GPC5: variants seen among roughly 807,000 people sequenced by gnomAD.
GPC5 encodes glypican-5.
A neutral mutation model predicts 53.9 loss-of-function variants in GPC5; 47 were observed. That is an observed-to-expected ratio of 0.87 (90% CI 0.69 to 1.11). The LOEUF (loss-of-function observed/expected upper bound fraction) is 1.11, where lower values mean the gene tolerates loss of function less well. Among genes scored for constraint, GPC5 ranks in the 50% most tolerant of loss-of-function variants. The pLI is 0.00. For synonymous variants in GPC5, 286 were observed against 263.3 expected (o/e 1.09, Z -0.84); for missense variants, 748 against 713.1 (o/e 1.05, Z -0.56).
At chr13:92,500,171 T>C (rs1469927958) in intron 7 of GPC5, among the ~76,000 whole-genome samples, 1 of 151,988 alleles carries the variant, frequency 6.6e-6, no homozygotes, top group Non-Finnish European at 1.5e-5. Context: ...ACTGAGAAAA[T>C]GGTTTGTTGG....
At chr13:92,231,832 G>A (rs1006177440) in intron 7 of GPC5, among the ~76,000 whole-genome samples, 2 of 152,090 alleles carry the variant, frequency 1.3e-5, no homozygotes, top group South Asian at 2.1e-4. Context: ...TGGGCGTGGT[G>A]ATGGGCAGCT....
chr13:92,550,830 G>C (rs1477660856), intron 7 of GPC5, among the ~76,000 whole-genome samples: 2 of 151,846 alleles, frequency 1.3e-5, no homozygotes, highest in Non-Finnish European at 2.9e-5. Context: ...ATAATATTTG[G>C]ATCAGTGAGG....
rs150738943 is a variant in GPC5 at position 92,211,149 on chromosome 13, G to T, written c.1561+66160G>T. On this transcript the variant is annotated intron_variant, in intron 7 of 7. Transcript: ENST00000377067. ...TGATTTTATTTATTTATGAGGAAAA[G>T]CACTTGAAAATGGCTAATTCTTGGT... 6.6e-5 allele frequency among the ~76,000 whole-genome samples: 10 copies of T among 151,816 alleles called. No individual in the cohort carries two copies. In the East Asian group the frequency reaches 2.0e-3, roughly 30 times the overall value.
intron 6 of GPC5, among the ~76,000 whole-genome samples, chr13:91,957,921 A>G (rs2040089209): frequency 6.6e-6 from 1 of 152,130 alleles, no homozygotes; most frequent in Admixed American, 6.5e-5. Context: ...CCACTACAGA[A>G]GATTACCAAA....
At chr13:92,106,261 C>A (rs897552938) in intron 6 of GPC5, among the ~76,000 whole-genome samples, 1 of 151,922 alleles carries the variant, frequency 6.6e-6, no homozygotes, top group African/African-American at 2.4e-5. Context: ...AAAAGATGGA[C>A]CCCCAATTTC....
At chr13:92,669,510 C>T (rs924970038) in intron 7 of GPC5, among the ~76,000 whole-genome samples, 6 of 152,114 alleles carry the variant, frequency 3.9e-5, no homozygotes, top group African/African-American at 1.4e-4. Context: ...TGTATATCGT[C>T]GGCTTGGCCA....
chr13:92,490,457 T>A (rs1164699123), intron 7 of GPC5, among the ~76,000 whole-genome samples: 3 of 152,086 alleles, frequency 2.0e-5, no homozygotes, highest in Non-Finnish European at 4.4e-5. Flanking sequence ...GTATCCTTGC[T>A]ATACATTGTA....
intron 7 of GPC5, among the ~76,000 whole-genome samples, chr13:92,569,083 C>G (rs1350361305): frequency 5.6e-5 from 6 of 106,400 alleles, no homozygotes; most frequent in Non-Finnish European, 1.1e-4. Context: ...CCCCCTCCCC[C>G]CACCCCACAA....
In GPC5 at chr13:92,280,970, C is replaced by T. The variant is rs574332657; in HGVS notation, c.1561+135981C>T. ...AAGGCATCGCCTCACCCAGGAAGTG[C>T]GAGGGGTCAGGGAATTCCCTTTCCC... On this transcript the variant is annotated intron_variant, in intron 7 of 7. Coordinates refer to ENST00000377067, the MANE Select transcript of GPC5 (RefSeq NM_004466.6). Among the ~76,000 whole-genome samples, 10 of 152,284 alleles carry T rather than the reference C, an allele frequency of 6.6e-5. No homozygotes were observed. In the South Asian group the frequency reaches 8.3e-4, roughly 13 times the overall value.
chr13:92,784,812 C>T (rs574499071), intron 7 of GPC5, among the ~76,000 whole-genome samples: 11 of 152,276 alleles, frequency 7.2e-5, no homozygotes, highest in South Asian at 2.1e-4. Flanking sequence ...AAGACTCAAT[C>T]GGTTACCAGG....
chr13:92,299,940 T>C (rs1235953761), intron 7 of GPC5, among the ~76,000 whole-genome samples: 2 of 152,230 alleles, frequency 1.3e-5, no homozygotes, highest in African/African-American at 4.8e-5. Context: ...AGGAGGTTTG[T>C]GAGGATGTTC....
intron 6 of GPC5, among the ~76,000 whole-genome samples, chr13:91,961,129 A>T (rs552628299): frequency 6.6e-6 from 1 of 152,132 alleles, no homozygotes; most frequent in Admixed American, 6.5e-5. Context: ...TGAAAAGAAA[A>T]TATTTGCCAA....
chr13:92,751,303 T>TAAAAAAAAAAAAA (rs71123435), intron 7 of GPC5, among the ~76,000 whole-genome samples: 4 of 38,776 alleles, frequency 1.0e-4, no homozygotes, highest in Non-Finnish European at 1.6e-4. Context: ...CAGAAACATT[T>TAAAAAAAAAAAAA]AAAAAAAAAA....
chr13:92,081,036 A>G (rs2041290824), intron 6 of GPC5, among the ~76,000 whole-genome samples: 1 of 152,162 alleles, frequency 6.6e-6, no homozygotes, highest in Non-Finnish European at 1.5e-5. Context: ...TTTTCTTTAC[A>G]TAGAACCCTC....
At chr13:91,820,786 A>T (rs73607693) in intron 5 of GPC5, among the ~76,000 whole-genome samples, 3,416 of 152,118 alleles carry the variant, frequency 0.022, 123 homozygotes, top group African/African-American at 0.078. Context: ...ACACAGTGAA[A>T]TGCCATCTCT....
chr13:91,793,846 G>T (rs1248802488), intron 5 of GPC5, among the ~76,000 whole-genome samples: 3 of 152,114 alleles, frequency 2.0e-5, no homozygotes, highest in Non-Finnish European at 4.4e-5. Flanking sequence ...TCACTATCAT[G>T]AGACCAGTAT....
intron 7 of GPC5, among the ~76,000 whole-genome samples, chr13:92,392,699 G>T (rs1205152947): frequency 6.6e-6 from 1 of 151,956 alleles, no homozygotes; most frequent in Non-Finnish European, 1.5e-5. Flanking sequence ...ACTTAAACAA[G>T]TTTACAAGAG....
chr13:92,111,583 C>CAAA (rs34294679), intron 6 of GPC5, among the ~76,000 whole-genome samples: 5 of 148,982 alleles, frequency 3.4e-5, no homozygotes, highest in East Asian at 2.0e-4. Flanking sequence ...CTCTGCCCCA[C>CAAA]AAAAAAAAAA....
chr13:92,613,410 T>A, intron 7 of GPC5, among the ~76,000 whole-genome samples: 5 of 78,412 alleles, frequency 6.4e-5, no homozygotes, highest in Non-Finnish European at 1.1e-4. Context: ...TATTATATTA[T>A]ATATAAATAT....
Sources: allele counts gnomAD v4.1 joint callset (sites outside exome capture counted in the v4.1 genomes callset), GRCh38; gene constraint gnomAD v4.1.1; transcripts MANE v1.5; gene names NCBI Gene and HGNC (gene_info 2026-07-23, HGNC 2026-07-21).